SYT2: variants seen among roughly 807,000 people sequenced by gnomAD.
SYT2 encodes synaptotagmin 2.
A neutral mutation model predicts 39.9 loss-of-function variants in SYT2; 15 were observed. The ratio of observed to expected loss-of-function variants is 0.38; its 90% confidence interval spans 0.25 to 0.58. The LOEUF is 0.58. Among genes scored for constraint, SYT2 ranks in the 20% least tolerant of loss-of-function variants. The pLI is 0.70. For synonymous variants in SYT2, 181 were observed against 204.5 expected (o/e 0.89, Z 0.98); for missense variants, 389 against 530.3 (o/e 0.73, Z 2.62).
Position 202,623,860 on chromosome 1 carries a change from C to T in SYT2, c.-17-18071G>A, listed in dbSNP as rs1691268598. On this transcript the variant is annotated intron_variant, in intron 1 of 8. Coordinates refer to ENST00000367268, the MANE Select transcript of SYT2 (RefSeq NM_177402.5). The surrounding 1 kb of genome is among the most constrained non-coding windows in gnomAD (Gnocchi z 4.2). ...CTCTGTGGCTTAGCAGTGATTAACC[C>T]ACACAATCAATGGATCCTCCAGCCA... 6.6e-6 allele frequency among the ~76,000 whole-genome samples: 1 copy of T among 152,196 alleles called. No homozygotes were observed. Among genetic ancestry groups the T allele is most frequent in the Non-Finnish European group, 1.5e-5 (1 of 68,034 alleles).
intron 1 of SYT2, among the ~76,000 whole-genome samples, chr1:202,694,879 A>G (rs1653935353): frequency 6.6e-6 from 1 of 151,984 alleles, no homozygotes; most frequent in South Asian, 2.1e-4. Flanking sequence ...TCTCTCCAAC[A>G]TGTCTATACC....
Position 202,653,053 on chromosome 1 carries a change from G to T in SYT2, c.-17-47264C>A, listed in dbSNP as rs143766622. On this transcript the variant is annotated intron_variant, in intron 1 of 8. Transcript: ENST00000367268. The stretch of plus-strand genomic sequence containing the variant: ...ATGGAAAGAATGCCCCTCCCTGATG[G>T]TGTAAGTTTTTCCTTGTCCTTTTGC... Among the ~76,000 whole-genome samples, 24 of 151,322 alleles carry T rather than the reference G, an allele frequency of 1.6e-4. No individual in the cohort carries two copies. In the East Asian group the frequency reaches 3.7e-3, roughly 23 times the overall value.
intron 1 of SYT2, chr1:202,627,406 A>G (rs1691447324): frequency 1.0e-6 from 1 of 982,822 alleles, no homozygotes; most frequent in African/African-American, 1.7e-5. Flanking sequence ...CCTCCGTCCC[A>G]TCAAGCTCCC....
chr1:202,671,415 G>C (rs915403332), intron 1 of SYT2, among the ~76,000 whole-genome samples: 2 of 152,220 alleles, frequency 1.3e-5, no homozygotes, highest in African/African-American at 4.8e-5. Flanking sequence ...AGGCCGTCAA[G>C]ATCGACCCTC....
intron 1 of SYT2, among the ~76,000 whole-genome samples, chr1:202,692,353 T>C (rs959541157): frequency 6.6e-6 from 1 of 151,916 alleles, no homozygotes; most frequent in African/African-American, 2.4e-5. Flanking sequence ...GCATTTTGCC[T>C]ATGGGTGGGG....
chr1:202,667,476 T>C (rs1177997311), intron 1 of SYT2, among the ~76,000 whole-genome samples: 2 of 30,638 alleles, frequency 6.5e-5, no homozygotes, highest in African/African-American at 1.1e-4. Flanking sequence ...CGTGTGTGTG[T>C]GTGTGTGTGT....
chr1:202,597,217 G>C (rs922853052), intron 8 of SYT2, among the ~76,000 whole-genome samples: 1 of 152,192 alleles, frequency 6.6e-6, no homozygotes, highest in East Asian at 1.9e-4. Context: ...CTTGGAGGGG[G>C]AGAAGAGGGA....
At chr1:202,643,694 AGGAGAAGG>A (rs147881959) in intron 1 of SYT2, among the ~76,000 whole-genome samples, 2,123 of 152,100 alleles carry the variant, frequency 0.014, 43 homozygotes, top group African/African-American at 0.049. Flanking sequence ...AATGGGCGAC[AGGAGAAGG>A]GGAGGTGTGT....
chr1:202,632,210 C>T (rs1691614310), intron 1 of SYT2: 1 of 492,132 alleles, frequency 2.0e-6, no homozygotes, highest in African/African-American at 2.1e-5. Flanking sequence ...CAAGTCTGGG[C>T]CCAGAAGGGA....
At chr1:202,654,692 G>T (rs963228302) in intron 1 of SYT2, among the ~76,000 whole-genome samples, 1 of 152,154 alleles carries the variant, frequency 6.6e-6, no homozygotes, top group Non-Finnish European at 1.5e-5. Context: ...CAGCACTATG[G>T]AGTGTGGGAC....
Position 202,602,020 on chromosome 1 carries a change from A to G in SYT2, c.671T>C (p.Met224Thr). Reference sequence around the variant, plus strand: ...GAAGCGGTCAAAGTCATAGATGGCCATCACCAGAGTTTTGCCCCCAAGCTC... The same window carrying G: ...GAAGCGGTCAAAGTCATAGATGGCCGTCACCAGAGTTTTGCCCCCAAGCTC... ...YQELGGKTLV[M>T]AIYDFDRFSK... is the part of the protein sequence containing the mutation. The change falls in exon 6 of 9, where the codon ATG becomes ACG. Residue 224 changes from methionine to threonine, a missense_variant. Transcript: ENST00000367268. The G allele has an allele frequency of 6.2e-7, 1 of 1,614,200 alleles. No individual in the cohort carries two copies. Among genetic ancestry groups the G allele is most frequent in the South Asian group, 1.1e-5 (1 of 91,084 alleles).
chr1:202,629,684 C>T (rs1691516545), intron 1 of SYT2, among the ~76,000 whole-genome samples: 1 of 152,164 alleles, frequency 6.6e-6, no homozygotes, highest in African/African-American at 2.4e-5. Flanking sequence ...GCCTGGGCAG[C>T]ACAGTGAAAC....
At chr1:202,640,620 G>A (rs551720603) in intron 1 of SYT2, among the ~76,000 whole-genome samples, 1 of 152,278 alleles carries the variant, frequency 6.6e-6, no homozygotes, top group Admixed American at 6.5e-5. Context: ...AACCACAGAG[G>A]TGTGGCAGAG....
intron 1 of SYT2, among the ~76,000 whole-genome samples, chr1:202,678,395 G>A (rs1653438155): frequency 8.6e-6 from 1 of 116,336 alleles, no homozygotes; most frequent in South Asian, 3.2e-4. Context: ...CTATGACTGA[G>A]GTAAGATCAG....
rs1219484633 is a variant in SYT2, at chr1:202,616,002, C to T, written c.-17-10213G>A. On this transcript the variant is annotated intron_variant, in intron 1 of 8. Transcript: ENST00000367268. Reference sequence around the variant, plus strand: ...ATGGCTACCCCCGACTGCTGAGCCCCCTGGTGAAAATCCCCCCACAGTACA... The same window carrying T: ...ATGGCTACCCCCGACTGCTGAGCCCTCTGGTGAAAATCCCCCCACAGTACA... Among the ~76,000 whole-genome samples the T allele has an allele frequency of 3.3e-5, 5 of 152,070 alleles. 1 individual carries two copies. The highest frequency in any genetic ancestry group is 7.4e-5 in the Non-Finnish European group (5 of 68,018).
chr1:202,653,979 A>G (rs1692235447), intron 1 of SYT2, among the ~76,000 whole-genome samples: 1 of 152,160 alleles, frequency 6.6e-6, no homozygotes, highest in Non-Finnish European at 1.5e-5. Context: ...AGAGATGCAA[A>G]GTCTGAAGGT....
At position 202,667,466 on chromosome 1, in the gene SYT2, C is replaced by CGTGTGTGT. The variant is rs35072265; in HGVS notation, c.-18+42784_-18+42791dup. Among the ~76,000 whole-genome samples the CGTGTGTGT allele has an allele frequency of 4.5e-3, 636 of 140,810 alleles. 3 individuals are homozygous for CGTGTGTGT. Among genetic ancestry groups the CGTGTGTGT allele is most frequent in the African/African-American group, 0.015 (557 of 36,438 alleles). 92.4% of individuals were successfully genotyped at this position (140,810 alleles called of 152,430 possible). Reference sequence around the variant, plus strand: ...TAAAGACAACAGGCAAGTGACCAGCCGTGTGTGTGTGTGTGTGTGTGTGTG... The same window carrying CGTGTGTGT: ...TAAAGACAACAGGCAAGTGACCAGCCGTGTGTGTGTGTGTGTGTGTGTGTGTGTGTGTG... On this transcript the variant is annotated intron_variant, in intron 1 of 8. Coordinates refer to ENST00000367268, the MANE Select transcript of SYT2 (RefSeq NM_177402.5).
chr1:202,681,369 A>C (rs1653520835), intron 1 of SYT2, among the ~76,000 whole-genome samples: 1 of 152,188 alleles, frequency 6.6e-6, no homozygotes, highest in Non-Finnish European at 1.5e-5. Flanking sequence ...GCTGCGGAGA[A>C]TCCTCCACCG....
chr1:202,678,447 C>G (rs1572674521), intron 1 of SYT2, among the ~76,000 whole-genome samples: 1 of 152,036 alleles, frequency 6.6e-6, no homozygotes, highest in Admixed American at 6.6e-5. Flanking sequence ...GTTTCTTTCA[C>G]CATCTCTCCA....
Sources: gnomAD v4.1 joint callset for allele counts (sites outside exome capture counted in the v4.1 genomes callset) on GRCh38, gnomAD v4.1.1 for gene constraint, Gnocchi (gnomAD v3.1) non-coding constraint, MANE v1.5 for transcripts, NCBI Gene and HGNC (gene_info 2026-07-23, HGNC 2026-07-21) for gene names.